The following RGL1 variants were observed in gnomAD, a reference collection of about 807,000 sequenced individuals.
RGL1 encodes the protein ral guanine nucleotide dissociation stimulator like 1, also known as ral guanine nucleotide dissociation stimulator-like 1.
A neutral mutation model predicts 95.2 loss-of-function variants in RGL1; 24 were observed. The observed-to-expected ratio is 0.25, with a 90% CI of 0.18 to 0.35. The LOEUF is 0.35. Among genes scored for constraint, RGL1 ranks in the 10% least tolerant of loss-of-function variants. The pLI, the probability that RGL1 is intolerant of heterozygous loss-of-function variation, is 1.00. For missense variants in RGL1, 715 were observed against 936.3 expected (o/e 0.76, Z 3.08); for synonymous variants, 329 against 344.9 (o/e 0.95, Z 0.51).
chr1:183,705,494 C>T (rs371605169), intron 1 of RGL1, among the ~76,000 whole-genome samples: 6 of 152,192 alleles, frequency 3.9e-5, no homozygotes, highest in South Asian at 4.2e-4. Context: ...ACAGAGGTCA[C>T]GAGCCAGGGC....
chr1:183,703,347 A>G (rs1368855667), intron 1 of RGL1, among the ~76,000 whole-genome samples: 1 of 152,130 alleles, frequency 6.6e-6, no homozygotes, highest in Non-Finnish European at 1.5e-5. Context: ...CATCGTCTGG[A>G]TTGTCTGGTG....
chr1:183,924,184 A>AC (rs1187374803), intron 17 of RGL1, among the ~76,000 whole-genome samples: 1 of 152,194 alleles, frequency 6.6e-6, no homozygotes, highest in Admixed American at 6.5e-5. Context: ...TTATTGCAGC[A>AC]CTATTCACAA....
rs577415873 is a variant in RGL1, at chr1:183,920,927, A to G, written c.2005-1295A>G. 7.2e-5 allele frequency among the ~76,000 whole-genome samples: 11 copies of G among 152,268 alleles called. No homozygotes were observed. In the South Asian group the frequency reaches 2.1e-3, roughly 29 times the overall value. The stretch of plus-strand genomic sequence containing the variant: ...TGGCACTGCCATCCTCAGGCACACA[A>G]TGGCAGTTTCTGGGAGGAAATGAGA... On this transcript the variant is annotated intron_variant, in intron 16 of 17. Coordinates refer to ENST00000360851, the MANE Select transcript of RGL1 (RefSeq NM_001297671.3).
At chr1:183,822,138 G>A (rs1326431735) in intron 2 of RGL1, among the ~76,000 whole-genome samples, 1 of 151,798 alleles carries the variant, frequency 6.6e-6, no homozygotes, top group Non-Finnish European at 1.5e-5. Flanking sequence ...GGGTTACATG[G>A]GCCTTGTATT....
At chr1:183,662,865 C>T (rs12032310) in intron 1 of RGL1, among the ~76,000 whole-genome samples, 12,406 of 151,974 alleles carry the variant, frequency 0.082, 1,006 homozygotes, top group African/African-American at 0.21. Context: ...AAAACAGAGA[C>T]ATAGATCAAT....
At chr1:183,766,994 T>C (rs1659002797) in intron 2 of RGL1, among the ~76,000 whole-genome samples, 1 of 151,620 alleles carries the variant, frequency 6.6e-6, no homozygotes, top group African/African-American at 2.4e-5. Flanking sequence ...GGTGGGAGGA[T>C]TGCTTGAGAC....
Position 183,786,417 on chromosome 1 carries a change from CA to C in RGL1, c.133-19951del, listed in dbSNP as rs527683767. On this transcript the variant is annotated intron_variant, in intron 2 of 18. Transcript: ENST00000304685. ...TGTCTCTAAACAAACAAACAACACA[CA>C]AAAAAACTGCTTGAGACCAGAAATG... Among the ~76,000 whole-genome samples, 349 of 152,052 alleles carry C rather than the reference CA, an allele frequency of 2.3e-3. 3 individuals carry two copies. Among genetic ancestry groups the C allele is most frequent in the African/African-American group, 7.3e-3 (302 of 41,492 alleles).
chr1:183,703,235 G>A (rs978202131), intron 1 of RGL1, among the ~76,000 whole-genome samples: 1 of 152,176 alleles, frequency 6.6e-6, no homozygotes. Context: ...ACTACTTCAA[G>A]CGTGACATAG....
Position 183,848,754 on chromosome 1 carries a change from A to G in RGL1, c.347+980A>G, listed in dbSNP as rs529536508. ...ATTAAATAGACCATCAACTAGGCAA[A>G]TAACACATATTAACATTTTAAAAAT... is the stretch of plus-strand genomic sequence containing the variant. On this transcript the variant is annotated intron_variant, in intron 3 of 17. Coordinates refer to ENST00000360851, the MANE Select transcript of RGL1 (RefSeq NM_001297671.3). Among the ~76,000 whole-genome samples, 33 of 152,342 alleles carry G rather than the reference A, an allele frequency of 2.2e-4. No homozygotes were observed. The South Asian group carries it at 6.8e-3, about 32-fold the overall frequency.
At chr1:183,809,245 C>A (rs987506829) in intron 2 of RGL1, among the ~76,000 whole-genome samples, 1 of 152,198 alleles carries the variant, frequency 6.6e-6, no homozygotes, top group Non-Finnish European at 1.5e-5. Context: ...GTATTCAGAT[C>A]TCAAAACATA....
chr1:183,793,926 A>G (rs1457964731), intron 2 of RGL1, among the ~76,000 whole-genome samples: 1 of 151,560 alleles, frequency 6.6e-6, no homozygotes, highest in African/African-American at 2.4e-5. Flanking sequence ...GGAAATCAGT[A>G]TATCAAAGGA....
chr1:183,891,450 C>T (rs576247484), intron 8 of RGL1, among the ~76,000 whole-genome samples: 4 of 152,268 alleles, frequency 2.6e-5, no homozygotes, highest in Admixed American at 6.5e-5. Context: ...CATTGAAGCT[C>T]AGGAAAGTTA....
At chr1:183,670,617 T>C (rs1344173707) in intron 1 of RGL1, among the ~76,000 whole-genome samples, 3 of 152,222 alleles carry the variant, frequency 2.0e-5, no homozygotes, top group Non-Finnish European at 4.4e-5. Context: ...GTTTATGTTC[T>C]GATAAGTTGT....
At chr1:183,773,015 C>CAAAAAAAAAAAAAA (rs60100787) in intron 2 of RGL1, among the ~76,000 whole-genome samples, 25 of 72,438 alleles carry the variant, frequency 3.5e-4, no homozygotes, top group Admixed American at 5.2e-4. Flanking sequence ...GACTCCGTCT[C>CAAAAAAAAAAAAAA]AAAAAAAAAA....
chr1:183,788,315 A>G (rs1660279232), intron 2 of RGL1, among the ~76,000 whole-genome samples: 1 of 152,208 alleles, frequency 6.6e-6, no homozygotes, highest in African/African-American at 2.4e-5. Flanking sequence ...AGATGAGATG[A>G]GATGTCCCAG....
chr1:183,710,158 A>G, intron 1 of RGL1: 1 of 212,996 alleles, frequency 4.7e-6, no homozygotes. Flanking sequence ...CTTGTTGCTC[A>G]CGCTTCATGG....
intron 9 of RGL1, among the ~76,000 whole-genome samples, chr1:183,896,960 C>T (rs910424557): frequency 1.3e-5 from 2 of 152,116 alleles, no homozygotes; most frequent in African/African-American, 4.8e-5. Flanking sequence ...TCATGTAGTA[C>T]AATATTGGAC....
chr1:183,713,376 A>ACC (rs67341503), intron 1 of RGL1, among the ~76,000 whole-genome samples: 1,367 of 48,062 alleles, frequency 0.028, 146 homozygotes, highest in Non-Finnish European at 0.034. Context: ...ATCTAGAGGC[A>ACC]CCCCCCCCCC....
intron 16 of RGL1, among the ~76,000 whole-genome samples, chr1:183,919,556 C>T (rs1342273240): frequency 6.6e-6 from 1 of 152,188 alleles, no homozygotes; most frequent in Non-Finnish European, 1.5e-5. Flanking sequence ...GAACTGGTGG[C>T]CTAGAGAACT....
Sources: gnomAD v4.1 joint callset for allele counts (sites outside exome capture counted in the v4.1 genomes callset) on GRCh38, gnomAD v4.1.1 for gene constraint, MANE v1.5 for transcripts, NCBI Gene and HGNC (gene_info 2026-07-23, HGNC 2026-07-21) for gene names.